The following ANKRD13D variants were observed in gnomAD, a reference collection of about 807,000 sequenced individuals.
ANKRD13D encodes the protein ankyrin repeat domain-containing protein 13D.
ANKRD13D carries 24 observed loss-of-function variants against 68.8 expected under a neutral mutation model. That is an observed-to-expected ratio of 0.35 (90% confidence interval 0.25 to 0.49). ANKRD13D has a LOEUF of 0.49. Among genes scored for constraint, ANKRD13D ranks in the 20% least tolerant of loss-of-function variants. The pLI is 0.99. For synonymous variants in ANKRD13D, 331 were observed against 336.1 expected (o/e 0.98, Z 0.16); for missense variants, 735 against 832.1 (o/e 0.88, Z 1.44).
Position 67,301,581 on chromosome 11 carries a change from A to T in ANKRD13D, c.1442A>T (p.Asp481Val). ...LGMERNEPLR[D>V]EDDDLLQFAI... ...ATGGAGCGCAACGAGCCCCTCCGGG[A>T]CGAGGACGATGACCTCCTGCAGTTC... Residue 481 changes from aspartate to valine, a missense_variant, in exon 13 of 15, where the codon GAC becomes GTC. Physicochemically the swap from Asp to Val is radical, Grantham distance 152. Transcript: ENST00000511455. The surrounding 1 kb of genome is among the most constrained non-coding windows in gnomAD (Gnocchi z 4.5). 6.2e-7 allele frequency: 1 copy of T among 1,612,918 alleles called. No individual in the cohort carries two copies. The highest frequency in any genetic ancestry group is 8.5e-7 in the Non-Finnish European group (1 of 1,180,002).
Position 67,299,967 on chromosome 11 carries a change from C to T in ANKRD13D, c.943-26C>T. 1.3e-6 allele frequency: 2 copies of T among 1,599,552 alleles called. No individual in the cohort carries two copies. The highest frequency in any genetic ancestry group is 2.7e-5 in the African/African-American group (2 of 74,790). On this transcript the variant is annotated intron_variant, in intron 9 of 14. Coordinates refer to ENST00000511455, the MANE Select transcript of ANKRD13D (RefSeq NM_207354.3). The surrounding 1 kb of genome is among the most constrained non-coding windows in gnomAD (Gnocchi z 6.2). ...AGGGCACCCTCTGTCACCTTGATGG[C>T]TGAGTCCGCCCTGGGACCCACGCAG...
chr11:67,302,476 G>T lies in ANKRD13D; in HGVS notation c.*144G>T. ...AGACTGAGATGGAAATAAAGAGACT[G>T]TCGCAGCAGGGCTGCTCTGCTCACT... On this transcript the variant is annotated 3_prime_UTR_variant, in exon 15 of 15. Coordinates refer to ENST00000511455, the MANE Select transcript of ANKRD13D (RefSeq NM_207354.3). 1.6e-6 allele frequency: 2 copies of T among 1,268,818 alleles called. No individual in the cohort carries two copies. The highest frequency in any genetic ancestry group is 2.1e-6 in the Non-Finnish European group (2 of 954,042). 78.6% of individuals were successfully genotyped at this position (1,268,818 alleles called of 1,614,324 possible). A position where few individuals can be genotyped will look rare whatever the true frequency, so the allele number is the denominator to read the frequency against.
At position 67,300,411 on chromosome 11, in the gene ANKRD13D, G is replaced by T; in HGVS notation, c.1073+288G>T. ...TGGGGCCAGCGTGGCACAGTGGGAA[G>T]GGCCCCCAGCGACGTGGCCTGGGAG... On this transcript the variant is annotated intron_variant, in intron 10 of 14. Transcript: ENST00000511455. The surrounding 1 kb of genome is among the most constrained non-coding windows in gnomAD (Gnocchi z 4.3). 1 of 429,666 alleles carries T rather than the reference G, an allele frequency of 2.3e-6. No individual in the cohort carries two copies. Among genetic ancestry groups the T allele is most frequent in the Non-Finnish European group, 4.2e-6 (1 of 237,522 alleles). 26.6% of individuals were successfully genotyped at this position (429,666 alleles called of 1,614,324 possible).
At chr11:67,289,963 C>T in intron 1 of ANKRD13D, 115 bp from the exon 2 acceptor site, 1 of 1,460,292 alleles carries the variant, frequency 6.8e-7, no homozygotes, top group Non-Finnish European at 9.0e-7. Context: ...TGCCATCTCC[C>T]TGGTCAGTCC....
intron 6 of ANKRD13D, 24 bp downstream of exon 6, chr11:67,292,204 T>C: frequency 6.4e-7 from 1 of 1,563,372 alleles, no homozygotes. Context: ...TGGCACACCG[T>C]GGGTGGGATG....
intron 6 of ANKRD13D, chr11:67,298,535 C>G (rs1368661647): frequency 6.2e-6 from 1 of 160,416 alleles, no homozygotes; most frequent in Non-Finnish European, 1.4e-5. Flanking sequence ...TGTTCTATCC[C>G]TTATTGAAAG....
Position 67,300,024 on chromosome 11 carries a change from A to T in ANKRD13D, c.974A>T (p.Asn325Ile). 1 of 1,613,386 alleles carries T rather than the reference A, an allele frequency of 6.2e-7. No homozygotes were observed. Among genetic ancestry groups the T allele is most frequent in the South Asian group, 1.1e-5 (1 of 91,052 alleles). ...APVQQAASPT[N>I]PTAISPEEYF... ...GTGCAGCAGGCAGCCAGCCCCACCA[A>T]CCCCACAGCCATCTCCCCTGAGGAG... Residue 325 changes from asparagine to isoleucine, a missense_variant, in exon 10 of 15, where the codon AAC becomes ATC. By Grantham distance (149) the Asn-to-Ile change is moderately radical (BLOSUM62 -3). Transcript: ENST00000511455. This position sits in a 1 kb window ranked among gnomAD's most constrained non-coding sequence, Gnocchi z 4.3.
At chr11:67,298,886 T>G in intron 6 of ANKRD13D, 172 bp from the exon 7 acceptor site, 1 of 653,634 alleles carries the variant, frequency 1.5e-6, no homozygotes, top group Admixed American at 2.5e-5. Context: ...CATGCTCAAG[T>G]GTCCCCCCCT....
Position 67,292,117 on chromosome 11 carries a change from C to A in ANKRD13D, c.668C>A (p.Ala223Asp). The change falls in exon 6 of 15, where the codon GCC (alanine) becomes GAC (aspartate). Residue 223 changes from alanine to aspartate, a missense_variant. Coordinates refer to ENST00000511455, the MANE Select transcript of ANKRD13D (RefSeq NM_207354.3). ...AAMRPSEEHV[A>D]SRLTSPIVST... ...ATGCGGCCCAGCGAGGAGCATGTGG[C>A]CAGTCGCCTCACCTCTCCTATCGTC... is the stretch of plus-strand genomic sequence containing the variant. 1 of 1,612,388 alleles carries A rather than the reference C, an allele frequency of 6.2e-7. No homozygotes were observed. The highest frequency in any genetic ancestry group is 8.5e-7 in the Non-Finnish European group (1 of 1,178,726).
At position 67,301,156 on chromosome 11, in the gene ANKRD13D, C is replaced by A; in HGVS notation, c.1231+9C>A. 1 of 1,612,762 alleles carries A rather than the reference C, an allele frequency of 6.2e-7. No homozygotes were observed. On this transcript the variant is annotated intron_variant, in intron 11 of 14. Transcript: ENST00000511455. The surrounding 1 kb of genome is among the most constrained non-coding windows in gnomAD (Gnocchi z 4.5). ...CTTCCCCGTCAAAATTGGTGAGAGG[C>A]TGGGCACAGGCAGCGGGAGGACCTC...
At chr11:67,289,634 C>CGT in intron 1 of ANKRD13D, 84 bp downstream of exon 1, 1 of 811,564 alleles carries the variant, frequency 1.2e-6, no homozygotes, top group South Asian at 1.6e-5. Context: ...CCCCCCCCCC[C>CGT]CCCGCCCGCT....
rs1420683589 is a variant in ANKRD13D, at chr11:67,291,981, C to T, written c.542-10C>T. The T allele has an allele frequency of 9.6e-6, 15 of 1,569,172 alleles. No homozygotes were observed. The East Asian group carries it at 1.1e-4, about 12-fold the overall frequency. ...TTGCGCCCCCTCTGTCCACCCCTACCGGCCGGCAGAGGCAGGAGCCCTGGT... is the reference window on the plus strand; with the variant it reads ...TTGCGCCCCCTCTGTCCACCCCTACTGGCCGGCAGAGGCAGGAGCCCTGGT... On this transcript the variant is annotated splice_polypyrimidine_tract_variant and intron_variant, in intron 5 of 14. Coordinates refer to ENST00000511455, the MANE Select transcript of ANKRD13D (RefSeq NM_207354.3).
intron 6 of ANKRD13D, among the ~76,000 whole-genome samples, chr11:67,295,784 A>G (rs767792437): frequency 7.2e-5 from 11 of 152,310 alleles, no homozygotes; most frequent in Non-Finnish European, 1.2e-4. Context: ...GTTAGAGCAG[A>G]CATCCTTGTA....
At chr11:67,292,214 G>A (rs1860589349) in intron 6 of ANKRD13D, 34 bp downstream of exon 6, 1 of 1,552,734 alleles carries the variant, frequency 6.4e-7, no homozygotes, top group Non-Finnish European at 8.8e-7. Context: ...TGGGTGGGAT[G>A]GGGACGGATA....
intron 3 of ANKRD13D, 134 bp downstream of exon 3, chr11:67,290,580 T>A (rs938941390): frequency 1.5e-6 from 2 of 1,356,354 alleles, no homozygotes; most frequent in African/African-American, 2.9e-5. Context: ...GGTCTGTCTA[T>A]CTTGACCCCA....
Position 67,302,313 on chromosome 11 carries a change from T to G in ANKRD13D, c.1799T>G (p.Leu600Arg), listed in dbSNP as rs1159807172. The G allele has an allele frequency of 6.5e-7, 1 of 1,544,330 alleles. No individual in the cohort carries two copies. The highest frequency in any genetic ancestry group is 8.8e-7 in the Non-Finnish European group (1 of 1,141,200). ...GAGGACTTACAGCGGATCCTGCAGC[T>G]GTCACTCACTGAGCACTGAGCCATA... is the stretch of plus-strand genomic sequence containing the variant. ...EEEDLQRILQ[L>R]SLTEH Residue 600 changes from leucine to arginine, a missense_variant, in exon 15 of 15, where the codon CTG becomes CGG. By Grantham distance (102) the Leu-to-Arg change is moderately radical. Coordinates refer to ENST00000511455, the MANE Select transcript of ANKRD13D (RefSeq NM_207354.3).
chr11:67,292,598 G>A lies in ANKRD13D; in HGVS notation c.731+418G>A, dbSNP rs866102068. Reference sequence around the variant, plus strand: ...TCTCTGACAACACATGCCCCCTCTTGCCTTAACAGTCAGTGGAAACACTTA... The same window carrying A: ...TCTCTGACAACACATGCCCCCTCTTACCTTAACAGTCAGTGGAAACACTTA... On this transcript the variant is annotated intron_variant, in intron 6 of 14. Coordinates refer to ENST00000511455, the MANE Select transcript of ANKRD13D (RefSeq NM_207354.3). Among the ~76,000 whole-genome samples the A allele has an allele frequency of 1.6e-4, 24 of 150,988 alleles. 1 individual carries two copies. Among genetic ancestry groups the A allele is most frequent in the Non-Finnish European group, 3.2e-4 (22 of 67,874 alleles).
chr11:67,291,351 C>CAAAAAAAAAAA, intron 3 of ANKRD13D, 125 bp from the exon 4 acceptor site: 1 of 432,538 alleles, frequency 2.3e-6, no homozygotes, highest in Non-Finnish European at 3.5e-6. Context: ...GAGCAAGTCT[C>CAAAAAAAAAAA]AAAAAAAAAA....
In ANKRD13D at chr11:67,289,341, C is replaced by CGCCGCT. The variant is rs1375672995; in HGVS notation, c.-119_-114dup. The CGCCGCT allele has an allele frequency of 1.6e-6, 1 of 610,258 alleles. No individual in the cohort carries two copies. Among genetic ancestry groups the CGCCGCT allele is most frequent in the African/African-American group, 2.0e-5 (1 of 48,914 alleles). 37.8% of individuals were successfully genotyped at this position (610,258 alleles called of 1,614,324 possible). A position where few individuals can be genotyped will look rare whatever the true frequency, so the allele number is the denominator to read the frequency against. On this transcript the variant is annotated 5_prime_UTR_variant, in exon 1 of 15. Transcript: ENST00000511455. ...CCCGCGCTGCCGCCGCCGCCGCCGC[C>CGCCGCT]GCCGCTACTGCTGCGGGGGCCGCGG...
Sources: gnomAD v4.1 joint callset for allele counts (sites outside exome capture counted in the v4.1 genomes callset) on GRCh38, gnomAD v4.1.1 for gene constraint, Gnocchi (gnomAD v3.1) non-coding constraint, MANE v1.5 for transcripts, NCBI Gene and HGNC (gene_info 2026-07-23, HGNC 2026-07-21) for gene names.